Variants in PRKN observed in about 807,000 individuals in gnomAD.
PRKN encodes E3 ubiquitin-protein ligase parkin.
PRKN carries 56 observed loss-of-function variants against 59.5 expected under a neutral mutation model. The ratio of observed to expected loss-of-function variants is 0.94; its 90% CI spans 0.76 to 1.18. The LOEUF is 1.18. Ranked by LOEUF, PRKN falls within the 50% of genes most tolerant of loss-of-function variation. The pLI, the probability that PRKN is intolerant of heterozygous loss-of-function variation, is 0.00. For synonymous variants in PRKN, 250 were observed against 222.1 expected (o/e 1.13, Z -1.12); for missense variants, 657 against 596.4 (o/e 1.10, Z -1.06).
chr6:161,924,208 C>A (rs375990912), intron 6 of PRKN, among the ~76,000 whole-genome samples: 1 of 152,246 alleles, frequency 6.6e-6, no homozygotes, highest in East Asian at 1.9e-4. Flanking sequence ...CATTCAAAAT[C>A]TACTTACTGC....
intron 2 of PRKN, among the ~76,000 whole-genome samples, chr6:162,409,517 A>G (rs148700633): frequency 9.7e-4 from 148 of 152,272 alleles, no homozygotes; most frequent in African/African-American, 3.4e-3. Context: ...ATGATTATCA[A>G]TATGGGTTGA....
chr6:162,676,944 C>T (rs892037937), intron 1 of PRKN, among the ~76,000 whole-genome samples: 1 of 151,576 alleles, frequency 6.6e-6, no homozygotes, highest in African/African-American at 2.4e-5. Flanking sequence ...GCCTGTAATC[C>T]CAGCTACTTG....
At chr6:162,081,739 T>G (rs1047143488) in intron 4 of PRKN, among the ~76,000 whole-genome samples, 2 of 152,128 alleles carry the variant, frequency 1.3e-5, no homozygotes, top group Admixed American at 6.5e-5. Flanking sequence ...GCCTGTTCTT[T>G]GAAGCATTAA....
intron 1 of PRKN, among the ~76,000 whole-genome samples, chr6:162,587,346 G>A (rs746458002): frequency 6.6e-6 from 1 of 152,078 alleles, no homozygotes; most frequent in East Asian, 1.9e-4. Flanking sequence ...ATGTTGGCCA[G>A]GCTGGTCTCG....
At chr6:161,426,943 T>G (rs1788394263) in intron 9 of PRKN, among the ~76,000 whole-genome samples, 1 of 152,030 alleles carries the variant, frequency 6.6e-6, no homozygotes, top group Non-Finnish European at 1.5e-5. Flanking sequence ...ATGGTCTCGA[T>G]CTCCTGACCT....
In PRKN at chr6:161,488,778, C is replaced by T. The variant is rs1001841706; in HGVS notation, c.1083+60076G>A. Among the ~76,000 whole-genome samples the T allele has an allele frequency of 6.6e-6, 1 of 152,152 alleles. No homozygotes were observed. The highest frequency in any genetic ancestry group is 2.1e-4 in the South Asian group (1 of 4,826). ...GGGATTACAGGCGTAAGCCACCACACCTGGCATAACAAGGAATTTTTGACA... is the reference window on the plus strand; with the variant it reads ...GGGATTACAGGCGTAAGCCACCACATCTGGCATAACAAGGAATTTTTGACA... On this transcript the variant is annotated intron_variant, in intron 9 of 11. Coordinates refer to ENST00000366898, the MANE Select transcript of PRKN (RefSeq NM_004562.3). The surrounding 1 kb of genome is among the most constrained non-coding windows in gnomAD (Gnocchi z 4.5).
At chr6:161,735,336 T>A (rs566406841) in intron 7 of PRKN, among the ~76,000 whole-genome samples, 3 of 152,306 alleles carry the variant, frequency 2.0e-5, no homozygotes, top group South Asian at 2.1e-4. Context: ...AAGACCTTTA[T>A]GATGATCCAC....
chr6:162,151,135 A>G (rs760552234), intron 4 of PRKN, among the ~76,000 whole-genome samples: 7 of 152,206 alleles, frequency 4.6e-5, no homozygotes, highest in Admixed American at 2.6e-4. Context: ...AGAACTGAAG[A>G]TGATTCAGCA....
At chr6:162,109,450 G>A (rs1200414815) in intron 4 of PRKN, among the ~76,000 whole-genome samples, 3 of 152,158 alleles carry the variant, frequency 2.0e-5, no homozygotes. Context: ...AATAATGAGT[G>A]AGGACGCAAG....
intron 2 of PRKN, among the ~76,000 whole-genome samples, chr6:162,437,974 CAT>C (rs1789861098): frequency 6.6e-6 from 1 of 152,142 alleles, no homozygotes; most frequent in Admixed American, 6.5e-5. Context: ...CTGGTAAATA[CAT>C]ATGTCATTTT....
At chr6:161,624,192 A>C (rs1783006084) in intron 7 of PRKN, among the ~76,000 whole-genome samples, 1 of 152,240 alleles carries the variant, frequency 6.6e-6, no homozygotes, top group Non-Finnish European at 1.5e-5. Flanking sequence ...CACATTAGTT[A>C]CAGTAATTTA....
rs1779860582 is a variant in PRKN, at chr6:162,260,889, G to A, written c.412+1636C>T. Among the ~76,000 whole-genome samples the A allele has an allele frequency of 5.3e-5, 8 of 152,088 alleles. 1 individual carries two copies. The South Asian group carries it at 1.4e-3, about 28-fold the overall frequency. ...TCTCCTAACATAATAAATCCAATCT[G>A]TTATACAGTTGTACAGGAACAAACA... On this transcript the variant is annotated intron_variant, in intron 3 of 11. Coordinates refer to ENST00000366898, the MANE Select transcript of PRKN (RefSeq NM_004562.3).
rs79658988 is a variant in PRKN at position 161,829,380 on chromosome 6, T to C, written c.735-43472A>G. On this transcript the variant is annotated intron_variant, in intron 6 of 11. Coordinates refer to ENST00000366898, the MANE Select transcript of PRKN (RefSeq NM_004562.3). Reference sequence around the variant, plus strand: ...TTCCAAGTAGACTGCACTGGTGGCATTGTGTTTCGTGACAGTTTTGTTTTG... The same window carrying C: ...TTCCAAGTAGACTGCACTGGTGGCACTGTGTTTCGTGACAGTTTTGTTTTG... Among the ~76,000 whole-genome samples, 957 of 152,316 alleles carry C rather than the reference T, an allele frequency of 6.3e-3. 8 individuals carry two copies. The highest frequency in any genetic ancestry group is 0.022 in the African/African-American group (913 of 41,564).
chr6:161,504,577 GGTTA>G (rs1778083346), intron 9 of PRKN, among the ~76,000 whole-genome samples: 1 of 151,794 alleles, frequency 6.6e-6, no homozygotes, highest in Admixed American at 6.5e-5. Flanking sequence ...ACAATGTGCA[GGTTA>G]GTTACATATG....
At chr6:162,310,033 G>C (rs999854583) in intron 2 of PRKN, among the ~76,000 whole-genome samples, 6 of 152,084 alleles carry the variant, frequency 3.9e-5, no homozygotes, top group Non-Finnish European at 7.4e-5. Context: ...CCCTGCAAAG[G>C]ACATGATCTC....
chr6:161,715,548 G>A (rs1786938085), intron 7 of PRKN, among the ~76,000 whole-genome samples: 1 of 152,168 alleles, frequency 6.6e-6, no homozygotes, highest in Non-Finnish European at 1.5e-5. Flanking sequence ...ATTTAAAGAT[G>A]TGTCCTCCTA....
intron 1 of PRKN, among the ~76,000 whole-genome samples, chr6:162,651,217 G>A (rs748796820): frequency 6.6e-6 from 1 of 152,034 alleles, no homozygotes; most frequent in African/African-American, 2.4e-5. Context: ...CCATTCTCCT[G>A]GTACATTTTT....
intron 7 of PRKN, among the ~76,000 whole-genome samples, chr6:161,570,027 T>C (rs536353185): frequency 6.6e-6 from 1 of 151,140 alleles, no homozygotes; most frequent in African/African-American, 2.4e-5. Flanking sequence ...CCAGCAGTTC[T>C]GGTGCCTATC....
intron 1 of PRKN, among the ~76,000 whole-genome samples, chr6:162,511,321 T>C (rs924999639): frequency 1.3e-5 from 2 of 152,142 alleles, no homozygotes; most frequent in Non-Finnish European, 2.9e-5. Context: ...AATGCAATTA[T>C]GCCTACTTAT....
Sources: gnomAD v4.1 joint callset for allele counts (sites outside exome capture counted in the v4.1 genomes callset) on GRCh38, gnomAD v4.1.1 for gene constraint, Gnocchi (gnomAD v3.1) non-coding constraint, MANE v1.5 for transcripts, NCBI Gene and HGNC (gene_info 2026-07-23, HGNC 2026-07-21) for gene names.